Variants in GRIK4 observed in about 807,000 individuals in gnomAD.
GRIK4 encodes glutamate ionotropic receptor kainate type subunit 4, also known as glutamate receptor ionotropic, kainate 4.
GRIK4 carries 40 observed loss-of-function variants against 104.9 expected under a neutral mutation model. The ratio of observed to expected loss-of-function variants is 0.38; its 90% confidence interval spans 0.30 to 0.50. The LOEUF is 0.50. Among genes scored for constraint, GRIK4 ranks in the 20% least tolerant of loss-of-function variants. The pLI is 0.93. For synonymous variants in GRIK4, 485 were observed against 524.9 expected (o/e 0.92, Z 1.04); for missense variants, 1,047 against 1,308.1 (o/e 0.80, Z 3.08).
chr11:120,799,242 G>A (rs933797501), intron 3 of GRIK4, among the ~76,000 whole-genome samples: 2 of 152,160 alleles, frequency 1.3e-5, no homozygotes, highest in African/African-American at 4.8e-5. Flanking sequence ...TGGTAACAGT[G>A]AGCTCATTTG....
chr11:120,639,263 A>G (rs1355495739), intron 1 of GRIK4, among the ~76,000 whole-genome samples: 1 of 152,202 alleles, frequency 6.6e-6, no homozygotes, highest in East Asian at 1.9e-4. Flanking sequence ...AAAGCCTACA[A>G]AGCACAAGCT....
At chr11:120,631,661 A>G (rs1450164830) in intron 1 of GRIK4, among the ~76,000 whole-genome samples, 2 of 152,140 alleles carry the variant, frequency 1.3e-5, no homozygotes, top group African/African-American at 4.8e-5. Context: ...GATTTCATGA[A>G]AGGATTTTAA....
intron 3 of GRIK4, among the ~76,000 whole-genome samples, chr11:120,776,705 C>G (rs1952050125): frequency 6.6e-6 from 1 of 152,078 alleles, no homozygotes. Context: ...TGCAGCCATC[C>G]CAAGGCTTGA....
chr11:120,580,247 CTTTCTTTT>C, intron 1 of GRIK4, among the ~76,000 whole-genome samples: 1 of 119,546 alleles, frequency 8.4e-6, no homozygotes, highest in African/African-American at 3.8e-5. Flanking sequence ...TTCTTTCTTT[CTTTCTTTT>C]TCTTTCTTTC....
At chr11:120,760,600 T>G (rs1951733639) in intron 3 of GRIK4, among the ~76,000 whole-genome samples, 1 of 151,938 alleles carries the variant, frequency 6.6e-6, no homozygotes, top group African/African-American at 2.4e-5. Flanking sequence ...TCACCTAGAC[T>G]CCCAACCCCC....
At chr11:120,733,630 AC>A (rs1340063787) in intron 3 of GRIK4, among the ~76,000 whole-genome samples, 2 of 149,858 alleles carry the variant, frequency 1.3e-5, no homozygotes, top group Non-Finnish European at 3.0e-5. Flanking sequence ...GTTAACTTTG[AC>A]CCCCTGCTTT....
intron 18 of GRIK4, among the ~76,000 whole-genome samples, chr11:120,964,700 T>C (rs573327230): frequency 6.6e-6 from 1 of 152,172 alleles, no homozygotes; most frequent in East Asian, 1.9e-4. Flanking sequence ...CAAGGAAAAA[T>C]GGAAGGAAAT....
At chr11:120,605,018 G>A (rs796117316) in intron 1 of GRIK4, among the ~76,000 whole-genome samples, 3 of 152,102 alleles carry the variant, frequency 2.0e-5, no homozygotes, top group Non-Finnish European at 2.9e-5. Context: ...GTGCACCACC[G>A]TACCTGCCTA....
chr11:120,918,065 C>T (rs927533149), intron 13 of GRIK4, among the ~76,000 whole-genome samples: 2 of 152,302 alleles, frequency 1.3e-5, no homozygotes, highest in African/African-American at 4.8e-5. Context: ...TCCCCAGCCA[C>T]ACAGCAGAGA....
At chr11:120,519,875 TTTTTG>T (rs1223524638) in intron 1 of GRIK4, among the ~76,000 whole-genome samples, 4 of 103,890 alleles carry the variant, frequency 3.9e-5, no homozygotes, top group East Asian at 2.2e-4. Context: ...GTTTTTTTTT[TTTTTG>T]TTTTTTTTTT....
intron 13 of GRIK4, among the ~76,000 whole-genome samples, chr11:120,927,579 A>T (rs1943377812): frequency 6.6e-6 from 1 of 150,822 alleles, no homozygotes; most frequent in Non-Finnish European, 1.5e-5. Flanking sequence ...AAAAAAAAAA[A>T]AAAAAAAAAA....
At chr11:120,823,957 C>T (rs1953189157) in intron 6 of GRIK4, among the ~76,000 whole-genome samples, 1 of 152,192 alleles carries the variant, frequency 6.6e-6, no homozygotes, top group African/African-American at 2.4e-5. Context: ...AAAATCTAAT[C>T]AAGGGATGAG....
At chr11:120,570,205 G>A (rs1406673013) in intron 1 of GRIK4, among the ~76,000 whole-genome samples, 1 of 152,184 alleles carries the variant, frequency 6.6e-6, no homozygotes, top group Admixed American at 6.5e-5. Context: ...AGAGGATCAG[G>A]GGTTGGGGAT....
intron 1 of GRIK4, among the ~76,000 whole-genome samples, chr11:120,653,262 T>C (rs549800112): frequency 6.6e-6 from 1 of 152,292 alleles, no homozygotes; most frequent in Admixed American, 6.5e-5. Context: ...TTGAGAGAGA[T>C]GTTAGAGGAT....
intron 14 of GRIK4, among the ~76,000 whole-genome samples, chr11:120,951,018 C>G (rs1415984206): frequency 6.6e-6 from 1 of 152,158 alleles, no homozygotes; most frequent in African/African-American, 2.4e-5. Context: ...TATCAAAGGG[C>G]AGTTCCGTGG....
intron 1 of GRIK4, among the ~76,000 whole-genome samples, chr11:120,546,113 C>G (rs1469455410): frequency 6.6e-6 from 1 of 152,170 alleles, no homozygotes; most frequent in East Asian, 1.9e-4. Context: ...TGAGGTACAG[C>G]CGTTCTCTGT....
At chr11:120,697,090 C>T (rs530028562) in intron 3 of GRIK4, among the ~76,000 whole-genome samples, 1 of 152,314 alleles carries the variant, frequency 6.6e-6, no homozygotes, top group Admixed American at 6.5e-5. Context: ...CAGCTCTTTT[C>T]CTCTGCCTTC....
At chr11:120,685,937 A>G (rs1024119360) in intron 3 of GRIK4, among the ~76,000 whole-genome samples, 1 of 151,898 alleles carries the variant, frequency 6.6e-6, no homozygotes, top group African/African-American at 2.4e-5. Flanking sequence ...CTGCAGCGCT[A>G]CCTCTCTCCA....
chr11:120,629,088 C>G (rs1201114955), intron 1 of GRIK4, among the ~76,000 whole-genome samples: 1 of 151,970 alleles, frequency 6.6e-6, no homozygotes, highest in African/African-American at 2.4e-5. Context: ...CTTTGGGAAG[C>G]CTGGTGTAGC....
Sources: gnomAD v4.1 joint callset for allele counts (sites outside exome capture counted in the v4.1 genomes callset) on GRCh38, gnomAD v4.1.1 for gene constraint, MANE v1.5 for transcripts, NCBI Gene and HGNC (gene_info 2026-07-23, HGNC 2026-07-21) for gene names.